The following LARGE1 variants were observed in gnomAD, a reference collection of about 807,000 sequenced individuals.
LARGE1 encodes the protein xylosyl- and glucuronyltransferase LARGE1.
A neutral mutation model predicts 87.6 loss-of-function variants in LARGE1; 43 were observed. That is an observed-to-expected ratio of 0.49 (90% CI 0.38 to 0.63). LARGE1 has a LOEUF of 0.63. Among genes scored for constraint, LARGE1 ranks in the 30% least tolerant of loss-of-function variants. The pLI is 0.00. For synonymous variants in LARGE1, 434 were observed against 394.6 expected (o/e 1.10, Z -1.18); for missense variants, 802 against 1,000.2 (o/e 0.80, Z 2.67).
At chr22:33,729,227 T>G (rs1354403732) in intron 2 of LARGE1, among the ~76,000 whole-genome samples, 1 of 152,018 alleles carries the variant, frequency 6.6e-6, no homozygotes, top group Non-Finnish European at 1.5e-5. Context: ...CAATATGCAA[T>G]GGGGAAAGGA....
chr22:33,448,053 A>G (rs1024957900), intron 6 of LARGE1, among the ~76,000 whole-genome samples: 4 of 151,862 alleles, frequency 2.6e-5, no homozygotes, highest in Admixed American at 2.0e-4. Context: ...AGCCAAATTC[A>G]CGGAGACAGA....
chr22:33,802,107 AAT>A (rs1327898037), intron 1 of LARGE1, among the ~76,000 whole-genome samples: 1 of 152,168 alleles, frequency 6.6e-6, no homozygotes, highest in East Asian at 1.9e-4. Context: ...ATGACTAATG[AAT>A]CCTCTGAACA....
intron 6 of LARGE1, among the ~76,000 whole-genome samples, chr22:33,516,396 G>A (rs1015828476): frequency 4.6e-5 from 7 of 152,094 alleles, no homozygotes; most frequent in Non-Finnish European, 8.8e-5. Flanking sequence ...TTGTGCTGAC[G>A]AAGACCCTGT....
chr22:33,355,641 A>G (rs535272054), intron 9 of LARGE1, among the ~76,000 whole-genome samples: 1 of 59,150 alleles, frequency 1.7e-5, no homozygotes, highest in African/African-American at 3.4e-5. Flanking sequence ...TCAAAAGTAG[A>G]TCTTCTAACT....
chr22:33,413,706 C>A (rs2066391006), intron 7 of LARGE1, among the ~76,000 whole-genome samples: 2 of 152,040 alleles, frequency 1.3e-5, no homozygotes, highest in African/African-American at 2.4e-5. Context: ...ACCTTGTGAT[C>A]TGCCCGCCTC....
chr22:33,282,883 G>A lies in LARGE1; in HGVS notation c.1877+319C>T, dbSNP rs576838136. 2.2e-3 allele frequency among the ~76,000 whole-genome samples: 330 copies of A among 152,280 alleles called. 1 individual carries two copies. The highest frequency in any genetic ancestry group is 7.6e-3 in the African/African-American group (314 of 41,564). ...ACTCGGAGCCAGGAGATGGCAGCAGGAACCTAAACTGAGTTTAGAAAAAAG... is the reference window on the plus strand; with the variant it reads ...ACTCGGAGCCAGGAGATGGCAGCAGAAACCTAAACTGAGTTTAGAAAAAAG... On this transcript the variant is annotated intron_variant, in intron 13 of 14. Coordinates refer to ENST00000397394, the MANE Select transcript of LARGE1 (RefSeq NM_133642.5).
chr22:33,608,535 G>T (rs2079331382), intron 4 of LARGE1, among the ~76,000 whole-genome samples: 1 of 152,154 alleles, frequency 6.6e-6, no homozygotes, highest in Admixed American at 6.5e-5. Flanking sequence ...CTGGCTCCTT[G>T]TCCCTACTGT....
chr22:33,353,783 T>TA (rs1314220650), intron 9 of LARGE1, among the ~76,000 whole-genome samples: 1 of 152,196 alleles, frequency 6.6e-6, no homozygotes, highest in Non-Finnish European at 1.5e-5. Context: ...TACAGTGCTT[T>TA]AACTGGAATA....
chr22:33,922,228 C>T (rs1326953762), upstream of LARGE1, among the ~76,000 whole-genome samples: 2 of 147,390 alleles, frequency 1.4e-5, no homozygotes, highest in Non-Finnish European at 3.0e-5. Context: ...AAAGGGCCGC[C>T]GAGCTTGGGT....
chr22:33,482,152 T>C (rs1486959163), intron 6 of LARGE1, among the ~76,000 whole-genome samples: 1 of 152,154 alleles, frequency 6.6e-6, no homozygotes, highest in Non-Finnish European at 1.5e-5. Flanking sequence ...AGGAATTAGG[T>C]AGAATTATTT....
At chr22:33,715,439 T>C (rs996738575) in intron 2 of LARGE1, among the ~76,000 whole-genome samples, 6 of 152,110 alleles carry the variant, frequency 3.9e-5, no homozygotes, top group Non-Finnish European at 4.4e-5. Context: ...CCTGGGTGAC[T>C]TTCTCAAAGT....
intron 7 of LARGE1, among the ~76,000 whole-genome samples, chr22:33,394,702 C>CGT (rs59338001): frequency 0.1 from 14,280 of 142,230 alleles, 800 homozygotes; most frequent in South Asian, 0.14. Flanking sequence ...CTCCTGGGAG[C>CGT]GTGTGTGTGT....
chr22:33,301,482 T>TTC (rs1222716931), intron 12 of LARGE1, among the ~76,000 whole-genome samples: 24 of 152,050 alleles, frequency 1.6e-4, no homozygotes, highest in Non-Finnish European at 3.2e-4. Flanking sequence ...TTGCCAACAT[T>TTC]AAAAAAACAT....
intron 6 of LARGE1, among the ~76,000 whole-genome samples, chr22:33,564,402 C>A (rs1479980120): frequency 6.6e-5 from 10 of 152,102 alleles, no homozygotes; most frequent in Non-Finnish European, 1.5e-4. Context: ...CAAATACATA[C>A]ATCTCCTTAA....
At chr22:33,631,497 A>G (rs2080110032) in intron 3 of LARGE1, among the ~76,000 whole-genome samples, 1 of 152,208 alleles carries the variant, frequency 6.6e-6, no homozygotes, top group Non-Finnish European at 1.5e-5. Context: ...AGACATAAAC[A>G]CACACCTTAG....
chr22:33,912,976 G>A (rs1411305643), intron 1 of LARGE1, among the ~76,000 whole-genome samples: 5 of 151,788 alleles, frequency 3.3e-5, no homozygotes, highest in Admixed American at 2.0e-4. Flanking sequence ...GATTACAGGC[G>A]TGCGCCACCA....
the LARGE1 span, chr22:33,110,636 C>T: frequency 1.6e-4 from 24 of 152,372 alleles, no homozygotes; most frequent in African/African-American, 4.3e-4. Flanking sequence ...ATTGTTCCAA[C>T]GGTCTGAGTA....
At chr22:33,556,139 C>T (rs1413540871) in intron 6 of LARGE1, among the ~76,000 whole-genome samples, 9 of 151,968 alleles carry the variant, frequency 5.9e-5, no homozygotes, top group Non-Finnish European at 1.5e-5. Flanking sequence ...AAATGTGATT[C>T]GACCTCACCC....
chr22:33,408,979 T>C (rs997539816), intron 7 of LARGE1, among the ~76,000 whole-genome samples: 2 of 152,218 alleles, frequency 1.3e-5, no homozygotes, highest in East Asian at 3.9e-4. Flanking sequence ...CTGTTTGCAT[T>C]GAGCTCGGTA....
Sources: gnomAD v4.1 joint callset for allele counts (sites outside exome capture counted in the v4.1 genomes callset) on GRCh38, gnomAD v4.1.1 for gene constraint, MANE v1.5 for transcripts, NCBI Gene and HGNC (gene_info 2026-07-23, HGNC 2026-07-21) for gene names.